The following FMN1 variants were observed in gnomAD, a reference collection of about 807,000 sequenced individuals.
The protein encoded by FMN1 is formin-1.
Under a neutral mutation model 132.4 loss-of-function variants are expected in FMN1, and 110 were observed. That is an observed-to-expected ratio of 0.83 (90% CI 0.71 to 0.97). FMN1 has a LOEUF of 0.97. FMN1 is among the 50% of genes least tolerant of loss of function. The pLI is 0.00. For synonymous variants in FMN1, 722 were observed against 651.7 expected, an observed-to-expected ratio of 1.11 and a Z score of -1.64; for missense variants, 1,792 against 1,705.3, an observed-to-expected ratio of 1.05 and a Z score of -0.90.
chr15:32,969,351 T>G lies in FMN1; in HGVS notation c.2350A>C (p.Arg784=). The change falls in exon 8 of 21, where the codon AGG becomes CGG. Residue 784 remains arginine, a synonymous_variant. Coordinates refer to ENST00000616417, the MANE Select transcript of FMN1 (RefSeq NM_001277313.2). ...EHRWRGGCEE[R]KDVCISTDDD... is the part of the protein sequence containing the mutation. Reference sequence around the variant, plus strand: ...TCGGTGGAAATGCACACATCTTTCCTCTCTTCACAACCCCCTCGCCATCTG... The same window carrying G: ...TCGGTGGAAATGCACACATCTTTCCGCTCTTCACAACCCCCTCGCCATCTG... 2 of 1,614,000 alleles carry G rather than the reference T, an allele frequency of 1.2e-6. No individual in the cohort carries two copies. Among genetic ancestry groups the G allele is most frequent in the South Asian group, 2.2e-5 (2 of 91,084 alleles).
At chr15:33,122,512 C>A (rs1962662933) in intron 4 of FMN1, among the ~76,000 whole-genome samples, 1 of 152,200 alleles carries the variant, frequency 6.6e-6, no homozygotes, top group Admixed American at 6.5e-5. Context: ...TGTATACCTT[C>A]TAGATGTCCC....
rs1490351147 is a variant in FMN1, at chr15:33,115,502, C to CG, written c.1868-26529_1868-26528insC. On this transcript the variant is annotated intron_variant, in intron 4 of 20. Transcript: ENST00000616417. ...GATTTCATCCTTAAGCCCCCCCCCCCCACACACACACGCACACACACAAAC... is the reference window on the plus strand; with the variant it reads ...GATTTCATCCTTAAGCCCCCCCCCCCGCACACACACACGCACACACACAAAC... 1.1e-3 allele frequency among the ~76,000 whole-genome samples: 166 copies of CG among 146,684 alleles called. 1 individual carries two copies. Among genetic ancestry groups the CG allele is most frequent in the East Asian group, 5.6e-3 (28 of 4,956 alleles).
chr15:32,942,376 G>T (rs1407067296), intron 9 of FMN1, among the ~76,000 whole-genome samples: 1 of 152,188 alleles, frequency 6.6e-6, no homozygotes, highest in Non-Finnish European at 1.5e-5. Flanking sequence ...GGCTGAGAAA[G>T]AATTCTTGTC....
intron 6 of FMN1, 198 bp downstream of exon 6, chr15:33,064,759 T>A: frequency 2.4e-6 from 1 of 409,894 alleles, no homozygotes; most frequent in Non-Finnish European, 4.4e-6. Context: ...TTCCACTGCA[T>A]TCATCTTTCA....
At chr15:33,144,617 G>A (rs1302096429) in intron 4 of FMN1, among the ~76,000 whole-genome samples, 27 of 141,254 alleles carry the variant, frequency 1.9e-4, no homozygotes, top group Non-Finnish European at 3.6e-4. Context: ...CAGCCTGGGC[G>A]ACAGAGCTAG....
chr15:33,074,844 C>A lies in FMN1; in HGVS notation c.2044-9770G>T, dbSNP rs575342769. On this transcript the variant is annotated intron_variant, in intron 5 of 20. Coordinates refer to ENST00000616417, the MANE Select transcript of FMN1 (RefSeq NM_001277313.2). Reference sequence around the variant, plus strand: ...CAGCCTGGTCAAGATGGTGGAACTCCGTCTCTACTAAAAATTCAAAAAAAT... The same window carrying A: ...CAGCCTGGTCAAGATGGTGGAACTCAGTCTCTACTAAAAATTCAAAAAAAT... Among the ~76,000 whole-genome samples the A allele has an allele frequency of 2.2e-3, 327 of 151,732 alleles. 2 individuals are homozygous for A. Among genetic ancestry groups the A allele is most frequent in the South Asian group, 3.8e-3 (18 of 4,760 alleles).
At chr15:32,995,831 T>A (rs74012448) in intron 7 of FMN1, among the ~76,000 whole-genome samples, 4,264 of 152,328 alleles carry the variant, frequency 0.028, 191 homozygotes, top group African/African-American at 0.091. Flanking sequence ...CTTATACATA[T>A]TCAGATGTTT....
chr15:32,956,837 C>T (rs2061779892), intron 9 of FMN1, among the ~76,000 whole-genome samples: 1 of 152,220 alleles, frequency 6.6e-6, no homozygotes. Flanking sequence ...GTTATGAAAA[C>T]CCTATAAATT....
chr15:33,056,525 TTGGCCAAAACTCA>T (rs2037223262), intron 6 of FMN1, among the ~76,000 whole-genome samples: 1 of 152,182 alleles, frequency 6.6e-6, no homozygotes. Context: ...CCCCCTTTGA[TTGGCCAAAACTCA>T]GTGACTGCCA....
chr15:32,831,575 G>C (rs1345343589), intron 17 of FMN1, among the ~76,000 whole-genome samples: 1 of 152,058 alleles, frequency 6.6e-6, no homozygotes, highest in African/African-American at 2.4e-5. Flanking sequence ...GGGGTGGGGA[G>C]GTTGGTATTG....
In FMN1 at chr15:33,136,530, G is replaced by GT. The variant is rs924796028; in HGVS notation, c.1867+16517dup. 2.6e-5 allele frequency among the ~76,000 whole-genome samples: 4 copies of GT among 151,834 alleles called. No homozygotes were observed. In the South Asian group the frequency reaches 8.4e-4, roughly 32 times the overall value. ...CAGGGTGAAAATGTCTAAGCAAGTG[G>GT]TTTTTTTTGATGAACCATGTTTTAG... On this transcript the variant is annotated intron_variant, in intron 4 of 20. Coordinates refer to ENST00000616417, the MANE Select transcript of FMN1 (RefSeq NM_001277313.2).
chr15:33,170,980 T>C (rs994426419), intron 3 of FMN1, among the ~76,000 whole-genome samples: 2 of 152,198 alleles, frequency 1.3e-5, no homozygotes, highest in African/African-American at 4.8e-5. Context: ...GGAATCAACC[T>C]GTGTGTATAA....
intron 17 of FMN1, among the ~76,000 whole-genome samples, chr15:32,811,439 A>G (rs900081829): frequency 1.2e-4 from 18 of 152,126 alleles, no homozygotes; most frequent in African/African-American, 4.3e-4. Context: ...TCACTTGCCT[A>G]AGGCTAAAGT....
At chr15:33,035,865 C>T (rs2036167157) in intron 6 of FMN1, among the ~76,000 whole-genome samples, 1 of 152,296 alleles carries the variant, frequency 6.6e-6, no homozygotes, top group South Asian at 2.1e-4. Flanking sequence ...ACAGCCCTGA[C>T]CTCATGAATA....
chr15:32,859,641 T>C (rs942151260), intron 16 of FMN1, among the ~76,000 whole-genome samples: 1 of 152,234 alleles, frequency 6.6e-6, no homozygotes, highest in Admixed American at 6.5e-5. Flanking sequence ...AATATTTATG[T>C]AAAAGTCCAT....
intron 17 of FMN1, among the ~76,000 whole-genome samples, chr15:32,853,660 A>C (rs913746039): frequency 6.6e-6 from 1 of 152,190 alleles, no homozygotes; most frequent in African/African-American, 2.4e-5. Context: ...TTTGGCAAAA[A>C]CCCAGCCCCT....
intron 7 of FMN1, among the ~76,000 whole-genome samples, chr15:32,976,287 G>A (rs543410919): frequency 6.6e-6 from 1 of 152,098 alleles, no homozygotes; most frequent in Non-Finnish European, 1.5e-5. Flanking sequence ...GTGAGCAGAA[G>A]AAAGGAAAGG....
intron 6 of FMN1, among the ~76,000 whole-genome samples, chr15:33,018,877 G>A (rs369859789): frequency 5.3e-5 from 8 of 152,260 alleles, no homozygotes; most frequent in African/African-American, 1.9e-4. Flanking sequence ...GGAGTTGTTC[G>A]ATCCTCCGGT....
intron 19 of FMN1, among the ~76,000 whole-genome samples, chr15:32,777,696 T>TAACACATTTATATATATTACGTATAAC (rs1567150019): frequency 1.6e-5 from 2 of 124,292 alleles, no homozygotes; most frequent in African/African-American, 6.0e-5. Context: ...ACGTATAACA[T>TAACACATTTATATATATTACGTATAAC]ATAACACATT....
Sources: gnomAD v4.1 joint callset for allele counts (sites outside exome capture counted in the v4.1 genomes callset) on GRCh38, gnomAD v4.1.1 for gene constraint, MANE v1.5 for transcripts, NCBI Gene and HGNC (gene_info 2026-07-23, HGNC 2026-07-21) for gene names.